XXYLT1: variants seen among roughly 807,000 people sequenced by gnomAD.
The protein encoded by XXYLT1 is xyloside xylosyltransferase 1, also known as UDP-xylose:alpha-xyloside alpha-1,3-xylosyltransferase.
In XXYLT1, 20 loss-of-function variants were observed where a neutral mutation model predicts 28.9. That is an observed-to-expected ratio of 0.69 (90% CI 0.49 to 1.00). XXYLT1 has a LOEUF of 1.00. Ranked by LOEUF, XXYLT1 falls within the 50% of genes least tolerant of loss-of-function variation. XXYLT1 has a pLI of 0.00. For synonymous variants in XXYLT1, 257 were observed against 253.8 expected, an observed-to-expected ratio of 1.01 and a Z score of -0.12; for missense variants, 542 against 560.1, an observed-to-expected ratio of 0.97 and a Z score of 0.33.
At chr3:195,091,013 G>T (rs1716102318) in intron 3 of XXYLT1, among the ~76,000 whole-genome samples, 1 of 151,128 alleles carries the variant, frequency 6.6e-6, no homozygotes, top group Admixed American at 6.6e-5. Context: ...AATAACAGGA[G>T]CTGAAATTGT....
At position 195,213,267 on chromosome 3, in the gene XXYLT1, T is replaced by C. The variant is rs560889076; in HGVS notation, c.652+13442A>G. Among the ~76,000 whole-genome samples the C allele has an allele frequency of 3.9e-4, 59 of 149,818 alleles. 1 individual carries two copies. Among genetic ancestry groups the C allele is most frequent in the South Asian group, 3.6e-3 (17 of 4,766 alleles). On this transcript the variant is annotated intron_variant, in intron 2 of 3. Transcript: ENST00000310380. ...GAGGGCAGCACTTCTTTCTTTCTTT[T>C]TTTTTTTTTTTTTTGAGACGGAGCT...
At chr3:195,109,882 TGTGTGGGTGAG>T (rs1717414642) in intron 3 of XXYLT1, among the ~76,000 whole-genome samples, 1 of 54,062 alleles carries the variant, frequency 1.8e-5, no homozygotes, top group Non-Finnish European at 4.8e-5. Context: ...TGTGTGCATG[TGTGTGGGTGAG>T]GTGTGGGTGT....
At chr3:195,153,191 G>A (rs1328046670) in intron 3 of XXYLT1, among the ~76,000 whole-genome samples, 1 of 152,208 alleles carries the variant, frequency 6.6e-6, no homozygotes, top group Non-Finnish European at 1.5e-5. Flanking sequence ...CTGCCAGCCA[G>A]GTGAACACTC....
intron 2 of XXYLT1, chr3:195,184,868 C>T (rs1333972007): frequency 5.2e-6 from 5 of 965,880 alleles, no homozygotes; most frequent in South Asian, 9.6e-5. Context: ...AAATGGTCTA[C>T]ATTCAAATGG....
chr3:195,247,509 C>T (rs1455452732), intron 1 of XXYLT1, among the ~76,000 whole-genome samples: 2 of 152,256 alleles, frequency 1.3e-5, no homozygotes, highest in Non-Finnish European at 2.9e-5. Flanking sequence ...CCCTCGTGCA[C>T]AGCTTCCTCT....
rs111633390 is a variant in XXYLT1 at position 195,139,303 on chromosome 3, T to C, written c.785+17146A>G. Among the ~76,000 whole-genome samples the C allele has an allele frequency of 7.5e-3, 1,137 of 152,100 alleles. 9 individuals carry two copies. Among genetic ancestry groups the C allele is most frequent in the African/African-American group, 0.026 (1,086 of 41,428 alleles). ...AGACTACGTCTGATGTGAAATGAAA[T>C]TGAAAGTCGAGCAGAGAGTCTGGCT... On this transcript the variant is annotated intron_variant, in intron 3 of 3. Transcript: ENST00000310380.
rs1027938687 is a variant in XXYLT1 at position 195,088,172 on chromosome 3, T to G, written c.786-18061A>C. ...AAGCAGCCGGGAAGCTCGAACTGGG[T>G]GGAGCCCACCACAGCTCAAGGAGGC... On this transcript the variant is annotated intron_variant, in intron 3 of 3. Transcript: ENST00000310380. Among the ~76,000 whole-genome samples the G allele has an allele frequency of 1.6e-3, 248 of 151,610 alleles. 1 individual carries two copies. The highest frequency in any genetic ancestry group is 2.4e-3 in the Non-Finnish European group (166 of 67,844).
chr3:195,123,614 CCT>C (rs147369984), intron 3 of XXYLT1, among the ~76,000 whole-genome samples: 4,742 of 152,326 alleles, frequency 0.031, 84 homozygotes, highest in Middle Eastern at 0.048. Context: ...TCAAGTTTCC[CCT>C]GACAGATGCT....
At chr3:195,107,758 G>A (rs565306244) in intron 3 of XXYLT1, among the ~76,000 whole-genome samples, 6 of 151,780 alleles carry the variant, frequency 4.0e-5, no homozygotes, top group Non-Finnish European at 7.4e-5. Context: ...CTGCGCTTCT[G>A]GCGGGGATCC....
At chr3:195,244,012 C>A (rs1397877845) in intron 1 of XXYLT1, among the ~76,000 whole-genome samples, 2 of 152,196 alleles carry the variant, frequency 1.3e-5, no homozygotes, top group Non-Finnish European at 2.9e-5. Flanking sequence ...CTCCTCCCCA[C>A]GCTGTCCTCA....
At chr3:195,134,823 A>AGG (rs1191281353) in intron 3 of XXYLT1, among the ~76,000 whole-genome samples, 31 of 134,902 alleles carry the variant, frequency 2.3e-4, no homozygotes, top group Admixed American at 1.5e-3. Flanking sequence ...TGGCGTGAAG[A>AGG]GGGGTGTGTG....
intron 2 of XXYLT1, among the ~76,000 whole-genome samples, chr3:195,206,380 A>C (rs1295887085): frequency 6.6e-6 from 1 of 151,060 alleles, no homozygotes; most frequent in Non-Finnish European, 1.5e-5. Flanking sequence ...TAGTCAATTC[A>C]AGAATGTGAA....
intron 2 of XXYLT1, among the ~76,000 whole-genome samples, chr3:195,219,797 T>A (rs1382664019): frequency 6.6e-6 from 1 of 152,098 alleles, no homozygotes; most frequent in East Asian, 1.9e-4. Context: ...CTCTCAGGGG[T>A]GATAACACTC....
chr3:195,233,121 A>G (rs1724370706), intron 1 of XXYLT1, among the ~76,000 whole-genome samples: 1 of 145,686 alleles, frequency 6.9e-6, no homozygotes. Context: ...TTATCATTAT[A>G]CAACAAACTT....
At chr3:195,239,643 G>A (rs539468420) in intron 1 of XXYLT1, among the ~76,000 whole-genome samples, 2 of 152,304 alleles carry the variant, frequency 1.3e-5, no homozygotes, top group African/African-American at 4.8e-5. Flanking sequence ...AAATCCTGTT[G>A]ACTATAAAAT....
intron 1 of XXYLT1, among the ~76,000 whole-genome samples, chr3:195,237,057 G>C (rs1000164084): frequency 1.3e-5 from 2 of 152,120 alleles, no homozygotes; most frequent in African/African-American, 2.4e-5. Context: ...CTGGGTTTGG[G>C]GGATAGGGGA....
At chr3:195,269,387 G>C (rs1288756736) in intron 1 of XXYLT1, among the ~76,000 whole-genome samples, 2 of 152,204 alleles carry the variant, frequency 1.3e-5, no homozygotes, top group East Asian at 3.8e-4. Context: ...GACTTTCTCA[G>C]GAGAGGTGAA....
chr3:195,156,853 C>T (rs1720623905), intron 2 of XXYLT1, among the ~76,000 whole-genome samples: 1 of 152,162 alleles, frequency 6.6e-6, no homozygotes, highest in Non-Finnish European at 1.5e-5. Flanking sequence ...CCAGTGTCGG[C>T]CTGCTGTCCT....
chr3:195,108,618 A>G (rs2108687783), intron 3 of XXYLT1, among the ~76,000 whole-genome samples: 1 of 152,338 alleles, frequency 6.6e-6, no homozygotes, highest in East Asian at 1.9e-4. Flanking sequence ...TGCCCACCAC[A>G]CACCTGGGCT....
Sources: allele counts gnomAD v4.1 joint callset (sites outside exome capture counted in the v4.1 genomes callset), GRCh38; gene constraint gnomAD v4.1.1; transcripts MANE v1.5; gene names NCBI Gene and HGNC (gene_info 2026-07-23, HGNC 2026-07-21).